PRKAR2A: variants seen among roughly 807,000 people sequenced by gnomAD.
PRKAR2A encodes the protein protein kinase cAMP-dependent type II regulatory subunit alpha.
A neutral mutation model predicts 51.9 loss-of-function variants in PRKAR2A; 29 were observed. That is an observed-to-expected ratio of 0.56 (90% CI 0.42 to 0.76). The LOEUF is 0.76. Ranked by LOEUF, PRKAR2A falls within the 30% of genes least tolerant of loss-of-function variation. PRKAR2A has a pLI of 0.00. For missense variants in PRKAR2A, 445 were observed against 512.1 expected (o/e 0.87, Z 1.26); for synonymous variants, 178 against 186.2 (o/e 0.96, Z 0.36).
intron 1 of PRKAR2A, among the ~76,000 whole-genome samples, chr3:48,823,316 G>T (rs947434498): frequency 2.0e-5 from 3 of 151,958 alleles, no homozygotes; most frequent in Non-Finnish European, 4.4e-5. Flanking sequence ...TCTAAAGGGG[G>T]TGTCGGGGGG....
At position 48,749,296 on chromosome 3, in the gene PRKAR2A, T is replaced by C. The variant is rs568622801; in HGVS notation, c.*2289A>G. Reference sequence around the variant, plus strand: ...TTATTCTGAAGGAAAAAAAAATTATTCTGAAATATACCTTATTAGGATGAT... The same window carrying C: ...TTATTCTGAAGGAAAAAAAAATTATCCTGAAATATACCTTATTAGGATGAT... On this transcript the variant is annotated 3_prime_UTR_variant, in exon 11 of 11. Transcript: ENST00000265563. The C allele has an allele frequency of 4.6e-5, 7 of 152,210 alleles. No individual in the cohort carries two copies. The highest frequency in any genetic ancestry group is 1.7e-4 in the African/African-American group (7 of 41,538). 9.4% of individuals were successfully genotyped at this position (152,210 alleles called of 1,614,324 possible).
At chr3:48,771,482 T>A (rs1241153797) in intron 6 of PRKAR2A, among the ~76,000 whole-genome samples, 1 of 152,248 alleles carries the variant, frequency 6.6e-6, no homozygotes. Flanking sequence ...AACAATGTTA[T>A]TTAATTTCTA....
intron 2 of PRKAR2A, among the ~76,000 whole-genome samples, chr3:48,800,957 G>A (rs949210407): frequency 2.0e-5 from 3 of 152,138 alleles, no homozygotes; most frequent in African/African-American, 7.2e-5. Flanking sequence ...ACAGGCATGA[G>A]CCACCGTGCC....
At chr3:48,790,696 T>A in intron 3 of PRKAR2A, 69 bp from the exon 4 acceptor site, 1 of 990,964 alleles carries the variant, frequency 1.0e-6, no homozygotes, top group South Asian at 2.8e-5. Flanking sequence ...AAGATTGGTA[T>A]ATTTGTTTCT....
chr3:48,829,851 A>G (rs867211553), intron 1 of PRKAR2A, among the ~76,000 whole-genome samples: 32 of 79,068 alleles, frequency 4.0e-4, no homozygotes, highest in African/African-American at 1.6e-3. Flanking sequence ...GTGTGTGTAT[A>G]TATATATATA....
rs1226105800 is a variant in PRKAR2A, at chr3:48,827,452, A to C, written c.263-19768T>G. On this transcript the variant is annotated intron_variant, in intron 1 of 10. Coordinates refer to ENST00000265563, the MANE Select transcript of PRKAR2A (RefSeq NM_004157.4). ...TTTAAAATATTGGATGCCTCGAAAA[A>C]ACAAAAGCACATGTATCACTTCATT... 5.3e-5 allele frequency among the ~76,000 whole-genome samples: 8 copies of C among 152,274 alleles called. No individual in the cohort carries two copies. The East Asian group carries it at 1.5e-3, about 29-fold the overall frequency.
At chr3:48,774,842 T>C (rs2082082384) in intron 5 of PRKAR2A, among the ~76,000 whole-genome samples, 1 of 152,130 alleles carries the variant, frequency 6.6e-6, no homozygotes, top group South Asian at 2.1e-4. Flanking sequence ...CCTCCCTCCC[T>C]CTCTTCCTTT....
intron 5 of PRKAR2A, among the ~76,000 whole-genome samples, chr3:48,773,479 G>C (rs2082060698): frequency 6.6e-6 from 1 of 151,662 alleles, no homozygotes; most frequent in African/African-American, 2.4e-5. Context: ...GAGTAGCTGG[G>C]ACTACAGGCA....
At chr3:48,780,856 A>C (rs1348658329) in intron 5 of PRKAR2A, among the ~76,000 whole-genome samples, 2 of 152,182 alleles carry the variant, frequency 1.3e-5, no homozygotes, top group Admixed American at 6.6e-5. Context: ...TATAAATGTT[A>C]ATTTGTGTTT....
intron 2 of PRKAR2A, among the ~76,000 whole-genome samples, chr3:48,805,539 C>T (rs2082665805): frequency 6.6e-6 from 1 of 152,162 alleles, no homozygotes; most frequent in African/African-American, 2.4e-5. Context: ...ATGCTCACCT[C>T]ACCTATTGCA....
At chr3:48,832,296 C>CAAAAAAAAAAA (rs75592481) in intron 1 of PRKAR2A, among the ~76,000 whole-genome samples, 1 of 72,606 alleles carries the variant, frequency 1.4e-5, no homozygotes. Context: ...AACTTCATCT[C>CAAAAAAAAAAA]AAAAAAAAAA....
At chr3:48,830,287 CT>C (rs2083167879) in intron 1 of PRKAR2A, among the ~76,000 whole-genome samples, 1 of 151,954 alleles carries the variant, frequency 6.6e-6, no homozygotes, top group Non-Finnish European at 1.5e-5. Flanking sequence ...TAAGCAGGGT[CT>C]GGATCATCAA....
intron 8 of PRKAR2A, among the ~76,000 whole-genome samples, chr3:48,759,343 C>A (rs1015203314): frequency 6.6e-6 from 1 of 151,570 alleles, no homozygotes; most frequent in African/African-American, 2.4e-5. Flanking sequence ...GAGATGACTA[C>A]CCAGTTGGAA....
intron 9 of PRKAR2A, among the ~76,000 whole-genome samples, chr3:48,753,981 T>G (rs549798537): frequency 6.8e-6 from 1 of 147,922 alleles, no homozygotes; most frequent in South Asian, 2.1e-4. Context: ...CACTGCAAGC[T>G]CTGCCTCCTG....
intron 1 of PRKAR2A, among the ~76,000 whole-genome samples, chr3:48,839,653 T>C (rs2107462721): frequency 6.6e-6 from 1 of 152,296 alleles, no homozygotes; most frequent in South Asian, 2.1e-4. Flanking sequence ...CTCTTTCCAA[T>C]AGGATACAAT....
chr3:48,760,884 G>A (rs1386132475), intron 8 of PRKAR2A, among the ~76,000 whole-genome samples: 2 of 151,490 alleles, frequency 1.3e-5, no homozygotes, highest in Non-Finnish European at 2.9e-5. Flanking sequence ...TTACTTGGAA[G>A]GCTAAGGGAA....
At chr3:48,785,488 G>A (rs1001611150) in intron 4 of PRKAR2A, among the ~76,000 whole-genome samples, 1 of 152,066 alleles carries the variant, frequency 6.6e-6, no homozygotes, top group Non-Finnish European at 1.5e-5. Flanking sequence ...TTGAACTCCT[G>A]ACCTCAGGTA....
At chr3:48,758,408 C>G (rs1368263404) in intron 8 of PRKAR2A, among the ~76,000 whole-genome samples, 1 of 150,356 alleles carries the variant, frequency 6.7e-6, no homozygotes, top group Non-Finnish European at 1.5e-5. Flanking sequence ...GCGGCGAAAC[C>G]CCATCTCTAC....
intron 1 of PRKAR2A, among the ~76,000 whole-genome samples, chr3:48,844,839 G>C (rs1020965080): frequency 7.8e-6 from 1 of 128,842 alleles, no homozygotes; most frequent in Non-Finnish European, 1.6e-5. Context: ...GACTGTTGTG[G>C]GGTGGGGGGA....
Sources: gnomAD v4.1 joint callset for allele counts (sites outside exome capture counted in the v4.1 genomes callset) on GRCh38, gnomAD v4.1.1 for gene constraint, MANE v1.5 for transcripts, NCBI Gene and HGNC (gene_info 2026-07-23, HGNC 2026-07-21) for gene names.